The following CDH8 variants were observed in gnomAD, a reference collection of about 807,000 sequenced individuals.
CDH8 encodes the protein cadherin 8.
Under a neutral mutation model 68.1 loss-of-function variants are expected in CDH8, and 17 were observed. The ratio of observed to expected loss-of-function variants is 0.25; its 90% confidence interval spans 0.17 to 0.37. The LOEUF (loss-of-function observed/expected upper bound fraction) is 0.37. Ranked by LOEUF, CDH8 falls within the 10% of genes least tolerant of loss-of-function variation. The pLI is 1.00. For synonymous variants in CDH8, 372 were observed against 365.1 expected (o/e 1.02, Z -0.21); for missense variants, 763 against 999.3 (o/e 0.76, Z 3.19).
At chr16:61,870,922 T>C (rs1412115037) in intron 3 of CDH8, among the ~76,000 whole-genome samples, 1 of 152,188 alleles carries the variant, frequency 6.6e-6, no homozygotes, top group Non-Finnish European at 1.5e-5. Context: ...AAGTACTTAT[T>C]TACTTGATAT....
At chr16:61,975,905 A>G (rs1170385036) in intron 2 of CDH8, among the ~76,000 whole-genome samples, 2 of 152,188 alleles carry the variant, frequency 1.3e-5, no homozygotes, top group East Asian at 3.8e-4. Flanking sequence ...AGCTCCACTG[A>G]GTGCATGACA....
At chr16:61,782,943 C>T (rs968539040) in intron 8 of CDH8, among the ~76,000 whole-genome samples, 2 of 152,020 alleles carry the variant, frequency 1.3e-5, no homozygotes, top group East Asian at 2.0e-4. Context: ...CTGTACATCA[C>T]CATCATCAAA....
In CDH8 at chr16:61,649,050, G is replaced by T. The variant is rs1348320539; in HGVS notation, c.*4558C>A. On this transcript the variant is annotated 3_prime_UTR_variant, in exon 12 of 12. Coordinates refer to ENST00000577390, the MANE Select transcript of CDH8 (RefSeq NM_001796.5). ...CTGTTTGGCTGAGTAACAGTGCAAA[G>T]ACACTTTTTATAGCAAATAAAACAG... The T allele has an allele frequency of 6.6e-6, 1 of 151,882 alleles. No individual in the cohort carries two copies. The allele number at this position is 151,882 out of a possible 1,614,324, so 9.4% of individuals were successfully genotyped here. A position where few individuals can be genotyped will look rare whatever the true frequency, so the allele number is the denominator to read the frequency against.
At chr16:61,672,255 G>T (rs1035303773) in intron 10 of CDH8, among the ~76,000 whole-genome samples, 10 of 151,922 alleles carry the variant, frequency 6.6e-5, no homozygotes, top group Non-Finnish European at 1.3e-4. Flanking sequence ...GAATTTTAGG[G>T]AATTTGTTCC....
At chr16:61,947,526 C>T (rs574057708) in intron 2 of CDH8, among the ~76,000 whole-genome samples, 9 of 152,256 alleles carry the variant, frequency 5.9e-5, no homozygotes, top group Admixed American at 2.0e-4. Flanking sequence ...TTTTCTCCCC[C>T]TATATATGTG....
chr16:61,779,974 A>G (rs1306949058), intron 8 of CDH8, among the ~76,000 whole-genome samples: 1 of 152,148 alleles, frequency 6.6e-6, no homozygotes, highest in Non-Finnish European at 1.5e-5. Context: ...TTCTGCAGTT[A>G]AACAAAGATC....
intron 10 of CDH8, among the ~76,000 whole-genome samples, chr16:61,705,571 CATA>C (rs1964511267): frequency 6.6e-6 from 1 of 152,114 alleles, no homozygotes; most frequent in African/African-American, 2.4e-5. Flanking sequence ...TGAGCTCAGG[CATA>C]ATAAGGACAC....
chr16:61,801,900 C>T (rs1240863513), intron 7 of CDH8, among the ~76,000 whole-genome samples: 1 of 150,614 alleles, frequency 6.6e-6, no homozygotes, highest in African/African-American at 2.4e-5. Context: ...GGGGCGCCCG[C>T]CATTGCCCAG....
At chr16:61,985,241 G>T (rs1399509334) in intron 2 of CDH8, among the ~76,000 whole-genome samples, 9 of 151,910 alleles carry the variant, frequency 5.9e-5, no homozygotes, top group African/African-American at 2.2e-4. Context: ...CTCTAAGAAA[G>T]CCATGAGATA....
At chr16:61,758,431 G>A (rs7202819) in intron 8 of CDH8, among the ~76,000 whole-genome samples, 24,987 of 151,960 alleles carry the variant, frequency 0.16, 2,216 homozygotes, top group Middle Eastern at 0.21. Flanking sequence ...TTTTGTTGTT[G>A]TTTTGTTTTG....
At chr16:61,735,744 G>T (rs934042709) in intron 8 of CDH8, among the ~76,000 whole-genome samples, 1 of 151,924 alleles carries the variant, frequency 6.6e-6, no homozygotes, top group East Asian at 1.9e-4. Flanking sequence ...ATTATCTTTC[G>T]CCTTTAAAAA....
intron 4 of CDH8, among the ~76,000 whole-genome samples, chr16:61,834,456 G>A (rs775329035): frequency 1.3e-5 from 2 of 151,864 alleles, no homozygotes; most frequent in East Asian, 1.9e-4. Context: ...TGAAGAACAC[G>A]GGGTTCTCAT....
chr16:61,801,591 G>A (rs550951679), intron 7 of CDH8, among the ~76,000 whole-genome samples: 102 of 152,306 alleles, frequency 6.7e-4, no homozygotes, highest in African/African-American at 2.4e-3. Flanking sequence ...GACAGTGGGC[G>A]CAGGCCAGTG....
intron 4 of CDH8, among the ~76,000 whole-genome samples, chr16:61,848,563 T>A (rs988319063): frequency 6.6e-6 from 1 of 152,048 alleles, no homozygotes; most frequent in Non-Finnish European, 1.5e-5. Flanking sequence ...CCCTAGTTCA[T>A]ATATTGTATC....
intron 2 of CDH8, among the ~76,000 whole-genome samples, chr16:61,957,180 GAC>G (rs1472145056): frequency 6.6e-6 from 1 of 152,028 alleles, no homozygotes; most frequent in Non-Finnish European, 1.5e-5. Context: ...CCTCCCCTAA[GAC>G]ATGCAGATAC....
intron 6 of CDH8, among the ~76,000 whole-genome samples, chr16:61,818,413 A>C (rs1962131033): frequency 6.6e-6 from 1 of 152,164 alleles, no homozygotes. Flanking sequence ...ATATGTATGT[A>C]CTTGTGTTTA....
chr16:61,668,668 GAAA>G (rs10650925), intron 10 of CDH8, among the ~76,000 whole-genome samples: 2 of 139,680 alleles, frequency 1.4e-5, no homozygotes, highest in Non-Finnish European at 1.6e-5. Context: ...AACCACTTAG[GAAA>G]AAAAAAAAAC....
chr16:61,834,809 AT>A (rs1567492343), intron 4 of CDH8, among the ~76,000 whole-genome samples: 2 of 151,952 alleles, frequency 1.3e-5, no homozygotes, highest in Non-Finnish European at 2.9e-5. Context: ...AAAACAATTC[AT>A]TTTCCACAGG....
chr16:62,008,912 C>A, intron 2 of CDH8, among the ~76,000 whole-genome samples: 1 of 149,494 alleles, frequency 6.7e-6, no homozygotes, highest in East Asian at 2.0e-4. Flanking sequence ...CAAAGGAAAG[C>A]TCCTTTAAGA....
Sources: gnomAD v4.1 joint callset for allele counts (sites outside exome capture counted in the v4.1 genomes callset) on GRCh38, gnomAD v4.1.1 for gene constraint, MANE v1.5 for transcripts, NCBI Gene and HGNC (gene_info 2026-07-23, HGNC 2026-07-21) for gene names.